NXPH1: variants seen among roughly 807,000 people sequenced by gnomAD.
The protein encoded by NXPH1 is neurexophilin 1.
Under a neutral mutation model 23.7 loss-of-function variants are expected in NXPH1, and 5 were observed. That is an observed-to-expected ratio of 0.21 (90% CI 0.11 to 0.44). NXPH1 has a LOEUF of 0.44. Ranked by LOEUF, NXPH1 falls within the 20% of genes least tolerant of loss-of-function variation. NXPH1 has a pLI of 0.99. For missense variants in NXPH1, 324 were observed against 321.6 expected (o/e 1.01, Z -0.06); for synonymous variants, 144 against 122.2 (o/e 1.18, Z -1.18).
chr7:8,604,094 C>T (rs1429223178), intron 2 of NXPH1, among the ~76,000 whole-genome samples: 3 of 152,022 alleles, frequency 2.0e-5, no homozygotes, highest in Non-Finnish European at 4.4e-5. Context: ...GTGGATGGTT[C>T]TATCCTTTCT....
intron 2 of NXPH1, among the ~76,000 whole-genome samples, chr7:8,538,638 C>T (rs1818065222): frequency 6.6e-6 from 1 of 151,916 alleles, no homozygotes; most frequent in African/African-American, 2.4e-5. Context: ...ACTTTTCCCC[C>T]ACGTGCTAAG....
intron 2 of NXPH1, among the ~76,000 whole-genome samples, chr7:8,670,281 G>A (rs888476989): frequency 6.6e-5 from 10 of 152,030 alleles, no homozygotes; most frequent in Non-Finnish European, 1.3e-4. Context: ...CTCTTCTCTG[G>A]AAAATTTACT....
rs187391667 is a variant in NXPH1, at chr7:8,640,822, G to A, written c.55-110186G>A. On this transcript the variant is annotated intron_variant, in intron 2 of 2. Transcript: ENST00000405863. ...AAGTAAAAATATTAGCCAGGGTGGT[G>A]GCGAGCCTGTAATCCCAATGACTCA... Among the ~76,000 whole-genome samples, 33 of 152,158 alleles carry A rather than the reference G, an allele frequency of 2.2e-4. 1 individual carries two copies. In the East Asian group the frequency reaches 5.8e-3, roughly 27 times the overall value.
chr7:8,461,288 G>C (rs1163878134), intron 2 of NXPH1, among the ~76,000 whole-genome samples: 1 of 152,124 alleles, frequency 6.6e-6, no homozygotes, highest in Non-Finnish European at 1.5e-5. Context: ...CATTCTCCAG[G>C]TTGTATTTTT....
At chr7:8,650,372 T>A (rs1820472510) in intron 2 of NXPH1, among the ~76,000 whole-genome samples, 1 of 152,210 alleles carries the variant, frequency 6.6e-6, no homozygotes, top group South Asian at 2.1e-4. Flanking sequence ...AAACTAGCCT[T>A]TACCTTATGT....
In NXPH1 at chr7:8,678,928, A is replaced by ATTTTTTTTTTTTT. The variant is rs540056222; in HGVS notation, c.55-72057_55-72045dup. ...TCTAGATTTATCTTTGCTTTATCCA[A>ATTTTTTTTTTTTT]TTTTTTTTTTTTTTTTTTTTTTTTT... On this transcript the variant is annotated intron_variant, in intron 2 of 2. Coordinates refer to ENST00000405863, the MANE Select transcript of NXPH1 (RefSeq NM_152745.3). Among the ~76,000 whole-genome samples, 288 of 68,772 alleles carry ATTTTTTTTTTTTT rather than the reference A, an allele frequency of 4.2e-3. 28 individuals are homozygous for ATTTTTTTTTTTTT. Among genetic ancestry groups the ATTTTTTTTTTTTT allele is most frequent in the African/African-American group, 6.9e-3 (94 of 13,548 alleles). 45.1% of individuals were successfully genotyped at this position (68,772 alleles called of 152,430 possible). A position where few individuals can be genotyped will look rare whatever the true frequency, so the allele number is the denominator to read the frequency against.
intron 2 of NXPH1, among the ~76,000 whole-genome samples, chr7:8,622,189 G>A (rs941550399): frequency 6.6e-6 from 1 of 152,160 alleles, no homozygotes; most frequent in Non-Finnish European, 1.5e-5. Flanking sequence ...AAATTAGATT[G>A]AAGTAATAAT....
intron 2 of NXPH1, among the ~76,000 whole-genome samples, chr7:8,714,679 C>A (rs1172008589): frequency 6.6e-6 from 1 of 152,108 alleles, no homozygotes; most frequent in Non-Finnish European, 1.5e-5. Flanking sequence ...AGGACTGGGT[C>A]TTTCCCTTCA....
intron 2 of NXPH1, among the ~76,000 whole-genome samples, chr7:8,574,724 C>T (rs1818719813): frequency 6.6e-6 from 1 of 152,080 alleles, no homozygotes; most frequent in African/African-American, 2.4e-5. Context: ...CTTGTTCAGC[C>T]TTGGATTCCG....
chr7:8,565,972 G>T (rs1465377917), intron 2 of NXPH1, among the ~76,000 whole-genome samples: 3 of 151,840 alleles, frequency 2.0e-5, no homozygotes, highest in Non-Finnish European at 4.4e-5. Flanking sequence ...GTGTCTTAAA[G>T]TGCTGACAGT....
chr7:8,469,118 G>T (rs1816830319), intron 2 of NXPH1, among the ~76,000 whole-genome samples: 1 of 151,914 alleles, frequency 6.6e-6, no homozygotes, highest in Non-Finnish European at 1.5e-5. Flanking sequence ...TGTAGAAAAA[G>T]GATGTCAATT....
At chr7:8,485,652 C>T (rs149628998) in intron 2 of NXPH1, among the ~76,000 whole-genome samples, 3,981 of 152,034 alleles carry the variant, frequency 0.026, 84 homozygotes, top group Middle Eastern at 0.044. Flanking sequence ...TAAGTGGAGG[C>T]GGGGAGGGGG....
intron 2 of NXPH1, among the ~76,000 whole-genome samples, chr7:8,509,005 A>G (rs1473488749): frequency 1.3e-5 from 2 of 152,100 alleles, no homozygotes; most frequent in African/African-American, 4.8e-5. Context: ...AAACAACTCC[A>G]TATCTGTGGA....
At chr7:8,681,322 C>G (rs1212820552) in intron 2 of NXPH1, among the ~76,000 whole-genome samples, 1 of 152,114 alleles carries the variant, frequency 6.6e-6, no homozygotes, top group Non-Finnish European at 1.5e-5. Flanking sequence ...ACTGGAATTG[C>G]TTTATGCTTC....
intron 2 of NXPH1, among the ~76,000 whole-genome samples, chr7:8,594,604 C>T (rs1350528549): frequency 2.0e-5 from 3 of 151,840 alleles, no homozygotes; most frequent in Non-Finnish European, 2.9e-5. Context: ...GTTCTGACCT[C>T]CGCAGCTGGC....
chr7:8,577,720 G>A (rs1398130743), intron 2 of NXPH1, among the ~76,000 whole-genome samples: 1 of 152,092 alleles, frequency 6.6e-6, no homozygotes, highest in Non-Finnish European at 1.5e-5. Flanking sequence ...TCCACAGTGA[G>A]TCAAGGCTTG....
intron 2 of NXPH1, among the ~76,000 whole-genome samples, chr7:8,700,095 G>A (rs1779598284): frequency 6.6e-6 from 1 of 152,124 alleles, no homozygotes. Context: ...AGGCAGCAGA[G>A]CACATGTTTA....
intron 2 of NXPH1, among the ~76,000 whole-genome samples, chr7:8,584,712 G>A (rs937396712): frequency 3.3e-5 from 5 of 152,182 alleles, no homozygotes; most frequent in East Asian, 1.9e-4. Context: ...CTGGGGGATC[G>A]GAATGGAGAT....
At chr7:8,743,816 T>C (rs984113877) in intron 2 of NXPH1, among the ~76,000 whole-genome samples, 7 of 152,028 alleles carry the variant, frequency 4.6e-5, no homozygotes, top group Non-Finnish European at 1.0e-4. Context: ...CCCGAGTAGC[T>C]GGGACCACAG....
Sources: gnomAD v4.1 joint callset for allele counts (sites outside exome capture counted in the v4.1 genomes callset) on GRCh38, gnomAD v4.1.1 for gene constraint, MANE v1.5 for transcripts, NCBI Gene and HGNC (gene_info 2026-07-23, HGNC 2026-07-21) for gene names.